Variants in CNTN5 observed in about 807,000 individuals in gnomAD.
CNTN5 encodes contactin 5.
CNTN5 carries 77 observed loss-of-function variants against 129.1 expected under a neutral mutation model. The observed-to-expected ratio is 0.60, with a 90% CI of 0.50 to 0.72. CNTN5 has a LOEUF of 0.72. Among genes scored for constraint, CNTN5 ranks in the 30% least tolerant of loss-of-function variants. CNTN5 has a pLI of 0.00. For missense variants in CNTN5, 1,478 were observed against 1,328.8 expected, an observed-to-expected ratio of 1.11 and a Z score of -1.75; for synonymous variants, 509 against 465.6, an observed-to-expected ratio of 1.09 and a Z score of -1.20.
intron 5 of CNTN5, 51 bp from the exon 6 acceptor site, chr11:99,845,036 T>C: frequency 6.2e-7 from 1 of 1,609,416 alleles, no homozygotes; most frequent in South Asian, 1.1e-5. Flanking sequence ...AATGATATTC[T>C]GACACTCTCA....
intron 13 of CNTN5, among the ~76,000 whole-genome samples, chr11:100,134,187 C>A (rs555990682): frequency 6.6e-6 from 1 of 152,230 alleles, no homozygotes; most frequent in African/African-American, 2.4e-5. Flanking sequence ...CAATTACATT[C>A]AAAAATAAAC....
intron 2 of CNTN5, among the ~76,000 whole-genome samples, chr11:99,403,312 G>T (rs1164092946): frequency 1.3e-5 from 2 of 151,866 alleles, no homozygotes; most frequent in African/African-American, 4.8e-5. Flanking sequence ...TTTAACTTTC[G>T]ATAAGCCAAC....
intron 3 of CNTN5, among the ~76,000 whole-genome samples, chr11:99,613,285 C>G (rs149980740): frequency 4.6e-5 from 7 of 152,290 alleles, no homozygotes; most frequent in African/African-American, 1.7e-4. Flanking sequence ...AGTTAGCTCT[C>G]ATGAGATCTG....
intron 2 of CNTN5, among the ~76,000 whole-genome samples, chr11:99,344,648 G>A (rs957844711): frequency 1.3e-5 from 2 of 152,102 alleles, no homozygotes; most frequent in Non-Finnish European, 2.9e-5. Flanking sequence ...AATGGCTATA[G>A]GGTAATAGAA....
chr11:99,761,538 A>G (rs564352487), intron 3 of CNTN5, among the ~76,000 whole-genome samples: 3 of 151,538 alleles, frequency 2.0e-5, no homozygotes, highest in Non-Finnish European at 4.4e-5. Context: ...TTCTTGCGAT[A>G]GTTTACTGAG....
rs190359134 is a variant in CNTN5 at position 100,006,745 on chromosome 11, A to G, written c.980+4609A>G. On this transcript the variant is annotated intron_variant, in intron 9 of 24. Coordinates refer to ENST00000524871, the MANE Select transcript of CNTN5 (RefSeq NM_014361.4). ...ATTCCTATTAATATTTTGACCTTCC[A>G]TGAATCACAGCTGTTCTTAATGGTA... is the stretch of plus-strand genomic sequence containing the variant. Among the ~76,000 whole-genome samples the G allele has an allele frequency of 2.8e-5, 4 of 142,910 alleles. No homozygotes were observed. In the East Asian group the frequency reaches 7.8e-4, roughly 28 times the overall value. 93.8% of individuals were successfully genotyped at this position (142,910 alleles called of 152,430 possible).
At chr11:99,668,708 C>T (rs117949635) in intron 3 of CNTN5, among the ~76,000 whole-genome samples, 4,244 of 152,154 alleles carry the variant, frequency 0.028, 94 homozygotes, top group Non-Finnish European at 0.04. Flanking sequence ...GTGCGCAGAT[C>T]GCTTGAGTTG....
intron 9 of CNTN5, among the ~76,000 whole-genome samples, chr11:100,033,829 T>C (rs1392099756): frequency 6.6e-6 from 1 of 152,156 alleles, no homozygotes; most frequent in African/African-American, 2.4e-5. Context: ...CACCTCCTGC[T>C]CCCACAGGCA....
intron 2 of CNTN5, among the ~76,000 whole-genome samples, chr11:99,533,131 G>A (rs1947776894): frequency 6.6e-6 from 1 of 152,238 alleles, no homozygotes; most frequent in Admixed American, 6.5e-5. Context: ...TCTGAGGCCA[G>A]AGAATCACTT....
chr11:100,251,489 C>T (rs1382935725), intron 16 of CNTN5, among the ~76,000 whole-genome samples: 1 of 151,994 alleles, frequency 6.6e-6, no homozygotes. Flanking sequence ...TATAGTCATC[C>T]TACAGTGGTC....
chr11:99,852,618 T>C (rs1947908198), intron 6 of CNTN5, among the ~76,000 whole-genome samples: 1 of 152,204 alleles, frequency 6.6e-6, no homozygotes, highest in South Asian at 2.1e-4. Flanking sequence ...ACAGGTACTT[T>C]CATTATGTAT....
At chr11:99,120,383 G>A (rs969551972) in intron 1 of CNTN5, 2 of 152,162 alleles carry the variant, frequency 1.3e-5, no homozygotes, top group Non-Finnish European at 2.9e-5. Flanking sequence ...AAGGATATAC[G>A]AGTGGCTGTG....
At chr11:100,169,625 C>G (rs1033681675) in intron 13 of CNTN5, among the ~76,000 whole-genome samples, 1 of 152,054 alleles carries the variant, frequency 6.6e-6, no homozygotes, top group East Asian at 1.9e-4. Context: ...GTACACTTAA[C>G]CACAGTATAG....
chr11:99,318,316 A>G (rs1865429806), intron 1 of CNTN5, among the ~76,000 whole-genome samples: 1 of 152,186 alleles, frequency 6.6e-6, no homozygotes, highest in African/African-American at 2.4e-5. Context: ...ATGTGATTTT[A>G]TGCAGCTAAT....
At chr11:99,147,444 C>T (rs1202249890) in intron 1 of CNTN5, among the ~76,000 whole-genome samples, 2 of 152,014 alleles carry the variant, frequency 1.3e-5, no homozygotes, top group African/African-American at 4.8e-5. Context: ...GGCAAAGCTC[C>T]ATATATTTTA....
At chr11:99,432,479 T>TCTTTC (rs1462441885) in intron 2 of CNTN5, among the ~76,000 whole-genome samples, 1 of 138,010 alleles carries the variant, frequency 7.2e-6, no homozygotes, top group African/African-American at 2.7e-5. Context: ...TCTTTTCTTT[T>TCTTTC]CTTTTCTTTT....
At chr11:100,223,148 A>C (rs1019825769) in intron 15 of CNTN5, among the ~76,000 whole-genome samples, 15 of 152,176 alleles carry the variant, frequency 9.9e-5, no homozygotes, top group Non-Finnish European at 1.8e-4. Flanking sequence ...TTTACTGGAC[A>C]AATATCACAT....
chr11:99,682,973 A>G (rs1953625786), intron 3 of CNTN5, among the ~76,000 whole-genome samples: 1 of 151,900 alleles, frequency 6.6e-6, no homozygotes, highest in Non-Finnish European at 1.5e-5. Flanking sequence ...TATAAAGACA[A>G]AATAACACTA....
In CNTN5 at chr11:99,459,004, G is replaced by A. The variant is rs565114862; in HGVS notation, c.-70-97141G>A. Among the ~76,000 whole-genome samples, 4 of 152,084 alleles carry A rather than the reference G, an allele frequency of 2.6e-5. No individual in the cohort carries two copies. In the East Asian group the frequency reaches 5.8e-4, roughly 22 times the overall value. ...AAACGAAGTCAGCTTTGTAAGTTAGGCCATGAAATACAGACTTACCTGTGG... is the reference window on the plus strand; with the variant it reads ...AAACGAAGTCAGCTTTGTAAGTTAGACCATGAAATACAGACTTACCTGTGG... On this transcript the variant is annotated intron_variant, in intron 2 of 24. Coordinates refer to ENST00000524871, the MANE Select transcript of CNTN5 (RefSeq NM_014361.4).
Sources: gnomAD v4.1 joint callset for allele counts (sites outside exome capture counted in the v4.1 genomes callset) on GRCh38, gnomAD v4.1.1 for gene constraint, MANE v1.5 for transcripts, NCBI Gene and HGNC (gene_info 2026-07-23, HGNC 2026-07-21) for gene names.